UPP2: variants seen among roughly 807,000 people sequenced by gnomAD.
UPP2 encodes the protein UPase 2.
Under a neutral mutation model 26.7 loss-of-function variants are expected in UPP2, and 23 were observed. That is an observed-to-expected ratio of 0.86 (90% CI 0.62 to 1.22). UPP2 has a LOEUF of 1.22. Among genes scored for constraint, UPP2 ranks in the 50% most tolerant of loss-of-function variants. The pLI, the probability that UPP2 is intolerant of heterozygous loss-of-function variation, is 0.00. For missense variants in UPP2, 387 were observed against 396.7 expected (o/e 0.98, Z 0.21); for synonymous variants, 127 against 141.3 (o/e 0.90, Z 0.72).
chr2:158,117,424 T>A (rs925723610), intron 3 of UPP2, among the ~76,000 whole-genome samples: 2 of 151,986 alleles, frequency 1.3e-5, no homozygotes, highest in African/African-American at 4.8e-5. Context: ...GACTGATGAT[T>A]TGGCAACCAA....
chr2:158,084,792 T>C (rs957696550), intron 3 of UPP2, among the ~76,000 whole-genome samples: 2 of 152,158 alleles, frequency 1.3e-5, no homozygotes, highest in African/African-American at 4.8e-5. Flanking sequence ...TTGTTGAAGA[T>C]CAGTTTGGTG....
At chr2:158,019,632 C>A (rs1489830607) in intron 3 of UPP2, among the ~76,000 whole-genome samples, 1 of 134,276 alleles carries the variant, frequency 7.4e-6, no homozygotes, top group African/African-American at 3.1e-5. Context: ...GAAATACAAT[C>A]CTTTAAAACA....
At chr2:158,038,848 C>T (rs1684042018) in intron 3 of UPP2, among the ~76,000 whole-genome samples, 1 of 152,146 alleles carries the variant, frequency 6.6e-6, no homozygotes, top group Admixed American at 6.5e-5. Context: ...ATTTTATCCC[C>T]AGAGACCAGG....
chr2:158,104,633 G>A (rs1683142031), intron 1 of UPP2, among the ~76,000 whole-genome samples: 1 of 152,050 alleles, frequency 6.6e-6, no homozygotes, highest in Admixed American at 6.6e-5. Context: ...TGAAAGCCAT[G>A]TGGAAAGGCT....
intron 6 of UPP2, chr2:158,134,086 A>G (rs983276672): frequency 1.3e-5 from 2 of 152,180 alleles, no homozygotes; most frequent in African/African-American, 4.8e-5. Flanking sequence ...TTTTTCCTCC[A>G]GTTTCCTATA....
chr2:158,016,357 T>TG (rs992640783), intron 3 of UPP2, among the ~76,000 whole-genome samples: 2 of 152,030 alleles, frequency 1.3e-5, no homozygotes, highest in African/African-American at 4.8e-5. Flanking sequence ...TTTTTTTTTT[T>TG]GAGACAGAAT....
At chr2:158,104,135 G>A (rs1683131033) in intron 1 of UPP2, among the ~76,000 whole-genome samples, 3 of 152,148 alleles carry the variant, frequency 2.0e-5, no homozygotes, top group African/African-American at 7.2e-5. Flanking sequence ...TTGCATCAGG[G>A]GATTCGCAGT....
At chr2:158,059,543 C>T (rs1480890869) in intron 3 of UPP2, among the ~76,000 whole-genome samples, 1 of 152,172 alleles carries the variant, frequency 6.6e-6, no homozygotes, top group Non-Finnish European at 1.5e-5. Flanking sequence ...CCAGGAATGA[C>T]CAAACTTAAG....
intron 2 of UPP2, among the ~76,000 whole-genome samples, chr2:157,998,400 C>A (rs530293444): frequency 7.8e-4 from 119 of 152,318 alleles, no homozygotes; most frequent in Admixed American, 1.4e-3. Context: ...TCTGTGATTA[C>A]TCTACTTCGA....
chr2:158,070,729 C>T (rs1251467626), intron 3 of UPP2, among the ~76,000 whole-genome samples: 1 of 152,234 alleles, frequency 6.6e-6, no homozygotes, highest in Admixed American at 6.5e-5. Context: ...TGAGGAGTCA[C>T]AGTACCTGGA....
chr2:158,093,276 AC>A (rs1035131328), intron 3 of UPP2, among the ~76,000 whole-genome samples: 14 of 145,894 alleles, frequency 9.6e-5, no homozygotes, highest in Admixed American at 6.8e-4. Context: ...AAACATACAC[AC>A]ACACACACAC....
At chr2:158,076,294 G>A (rs967067747) in intron 3 of UPP2, among the ~76,000 whole-genome samples, 1 of 151,958 alleles carries the variant, frequency 6.6e-6, no homozygotes, top group Non-Finnish European at 1.5e-5. Flanking sequence ...AAATAAAAGA[G>A]TAGAGAATAC....
At chr2:158,013,092 T>A (rs1683606096) in intron 2 of UPP2, among the ~76,000 whole-genome samples, 2 of 152,074 alleles carry the variant, frequency 1.3e-5, no homozygotes, top group Non-Finnish European at 2.9e-5. Context: ...CCTCAAGCAA[T>A]CCTCCCATCT....
At chr2:158,089,203 C>T (rs996905679) in intron 3 of UPP2, among the ~76,000 whole-genome samples, 18 of 152,104 alleles carry the variant, frequency 1.2e-4, no homozygotes, top group Admixed American at 2.6e-4. Flanking sequence ...AATGGAGTTA[C>T]GTTCCCAGGG....
rs1020790607 is a variant in UPP2 at position 158,102,179 on chromosome 2, T to C, written c.62+54T>C. On this transcript the variant is annotated intron_variant, in intron 1 of 6. Transcript: ENST00000005756. ...TTTGATCAGATGGTTGCTCCTTGGA[T>C]TTTGTATTAAATGATTAGATAATGG... is the stretch of plus-strand genomic sequence containing the variant. 3 of 1,591,326 alleles carry C rather than the reference T, an allele frequency of 1.9e-6. No homozygotes were observed. In the African/African-American group the frequency reaches 4.1e-5, roughly 22 times the overall value.
chr2:158,061,303 C>T (rs1277318819), intron 3 of UPP2, among the ~76,000 whole-genome samples: 2 of 152,196 alleles, frequency 1.3e-5, no homozygotes, highest in Non-Finnish European at 2.9e-5. Flanking sequence ...CAGATTTTCT[C>T]CCTCCATGCC....
At chr2:158,004,732 C>A (rs1036947960) in intron 2 of UPP2, among the ~76,000 whole-genome samples, 2 of 152,162 alleles carry the variant, frequency 1.3e-5, no homozygotes, top group Non-Finnish European at 2.9e-5. Flanking sequence ...TAAAGAAATG[C>A]AATTTGGTAA....
At chr2:158,119,475 A>G (rs530684966) in intron 4 of UPP2, among the ~76,000 whole-genome samples, 5 of 152,082 alleles carry the variant, frequency 3.3e-5, no homozygotes, top group African/African-American at 4.8e-5. Context: ...AGATGTACAC[A>G]GTATTGTCGC....
chr2:158,074,690 T>TACACACACACACACAC lies in UPP2; in HGVS notation c.148-27328_148-27313dup, dbSNP rs56277459. Among the ~76,000 whole-genome samples the TACACACACACACACAC allele has an allele frequency of 1.4e-3, 188 of 135,472 alleles. 1 individual carries two copies. The highest frequency in any genetic ancestry group is 3.7e-3 in the East Asian group (17 of 4,580). The allele number at this position is 135,472 out of a possible 152,430, so 88.9% of individuals were successfully genotyped here. A position where few individuals can be genotyped will look rare whatever the true frequency, so the allele number is the denominator to read the frequency against. ...GGAAAGAAGGAATAGAAGACCTTCA[T>TACACACACACACACAC]ACACACACACACACACACACACACA... is the stretch of plus-strand genomic sequence containing the variant. On this transcript the variant is annotated intron_variant, in intron 3 of 9. Coordinates refer to the UPP2 transcript ENST00000605860.
Sources: gnomAD v4.1 joint callset for allele counts (sites outside exome capture counted in the v4.1 genomes callset) on GRCh38, gnomAD v4.1.1 for gene constraint, MANE v1.5 for transcripts, NCBI Gene and HGNC (gene_info 2026-07-23, HGNC 2026-07-21) for gene names.